Variants in PDZD2 observed in about 807,000 individuals in gnomAD.
PDZD2 encodes PDZ domain-containing protein 2.
A neutral mutation model predicts 220.7 loss-of-function variants in PDZD2; 90 were observed. That is an observed-to-expected ratio of 0.41 (90% CI 0.34 to 0.49). PDZD2 has a LOEUF of 0.49. Among genes scored for constraint, PDZD2 ranks in the 20% least tolerant of loss-of-function variants. The probability of loss-of-function intolerance (pLI) is 0.28; values close to 1 mark genes in which losing one functional copy is unlikely to be tolerated. For missense variants in PDZD2, 3,174 were observed against 3,608.5 expected, an observed-to-expected ratio of 0.88 and a Z score of 3.08; for synonymous variants, 1,375 against 1,450.5, an observed-to-expected ratio of 0.95 and a Z score of 1.18.
intron 2 of PDZD2, among the ~76,000 whole-genome samples, chr5:31,802,152 T>A (rs1371348521): frequency 6.6e-6 from 1 of 152,206 alleles, no homozygotes; most frequent in African/African-American, 2.4e-5. Context: ...GGATTCCAGG[T>A]TCTCTCCAAG....
At position 31,822,849 on chromosome 5, in the gene PDZD2, A is replaced by G. The variant is rs1264444045; in HGVS notation, c.476+23125A>G. Reference sequence around the variant, plus strand: ...TAATGATGTTGATGGGGAAGTGCACATACACAGACCTCATCTTGTAACGGA... The same window carrying G: ...TAATGATGTTGATGGGGAAGTGCACGTACACAGACCTCATCTTGTAACGGA... On this transcript the variant is annotated intron_variant, in intron 2 of 24. Transcript: ENST00000438447. 15 of 784,338 alleles carry G rather than the reference A, an allele frequency of 1.9e-5. 1 individual carries two copies. Among genetic ancestry groups the G allele is most frequent in the Middle Eastern group, 2.5e-4 (1 of 3,986 alleles). The allele number at this position is 784,338 out of a possible 1,614,324, so 48.6% of individuals were successfully genotyped here.
intron 6 of PDZD2, among the ~76,000 whole-genome samples, chr5:32,014,081 A>G (rs1753539081): frequency 6.6e-6 from 1 of 152,216 alleles, no homozygotes; most frequent in Non-Finnish European, 1.5e-5. Flanking sequence ...TATGTTCACA[A>G]TCTATGATTC....
chr5:31,958,652 G>T (rs1747945063), intron 2 of PDZD2, among the ~76,000 whole-genome samples: 3 of 151,612 alleles, frequency 2.0e-5, no homozygotes, highest in Admixed American at 2.0e-4. Context: ...ATAGGATCTT[G>T]CTCTTTCACC....
intron 1 of PDZD2, among the ~76,000 whole-genome samples, chr5:31,762,531 G>A (rs1331617698): frequency 6.6e-6 from 1 of 152,060 alleles, no homozygotes; most frequent in East Asian, 1.9e-4. Context: ...CAGGTGATCC[G>A]CCTGCCTCAG....
chr5:31,795,342 C>T (rs1382947383), intron 1 of PDZD2, among the ~76,000 whole-genome samples: 1 of 152,136 alleles, frequency 6.6e-6, no homozygotes, highest in Non-Finnish European at 1.5e-5. Flanking sequence ...GATTTTAACA[C>T]CATATCAGTA....
chr5:31,924,387 G>C (rs995316153), intron 2 of PDZD2, among the ~76,000 whole-genome samples: 1 of 152,208 alleles, frequency 6.6e-6, no homozygotes, highest in Non-Finnish European at 1.5e-5. Context: ...TTTTGTCCAT[G>C]ATGGGGAGAA....
chr5:31,764,064 G>A (rs550064911), intron 1 of PDZD2, among the ~76,000 whole-genome samples: 27 of 152,236 alleles, frequency 1.8e-4, no homozygotes, highest in Middle Eastern at 3.4e-3. Flanking sequence ...CCTGCTGCCC[G>A]TCACGGATGT....
Position 32,087,899 on chromosome 5 carries a change from G to C in PDZD2, c.4451G>C (p.Arg1484Thr). 1 of 1,613,370 alleles carries C rather than the reference G, an allele frequency of 6.2e-7. No homozygotes were observed. Among genetic ancestry groups the C allele is most frequent in the Non-Finnish European group, 8.5e-7 (1 of 1,179,760 alleles). The change falls in exon 20 of 25, where the codon AGG becomes ACG. Residue 1484 changes from arginine (R) to threonine (T), a missense_variant. Physicochemically the swap from Arg to Thr is moderately conservative, Grantham distance 71. Transcript: ENST00000438447. This position sits in a 1 kb window ranked among gnomAD's most constrained non-coding sequence, Gnocchi z 4.0. ...PVPGGQTSSPRRAWAAGAPAY... is the reference protein window; with the variant it reads ...PVPGGQTSSPTRAWAAGAPAY... Reference sequence around the variant, plus strand: ...CCGGGGGGCCAGACCTCCTCCCCGAGGAGGGCCTGGGCTGCTGGTGCCCCC... The same window carrying C: ...CCGGGGGGCCAGACCTCCTCCCCGACGAGGGCCTGGGCTGCTGGTGCCCCC...
chr5:32,006,415 G>A (rs539968541), intron 5 of PDZD2, among the ~76,000 whole-genome samples: 9 of 146,288 alleles, frequency 6.2e-5, no homozygotes, highest in African/African-American at 2.3e-4. Flanking sequence ...ATTGAGTGGT[G>A]TAATCATATA....
At chr5:32,104,075 T>A (rs147363842) in intron 24 of PDZD2, 1 of 152,208 alleles carries the variant, frequency 6.6e-6, no homozygotes, top group Non-Finnish European at 1.5e-5. Context: ...CTGAGTATGA[T>A]ACGGCAGATC....
chr5:31,643,827 A>AT (rs34330342), intron 1 of PDZD2, among the ~76,000 whole-genome samples: 13,885 of 146,068 alleles, frequency 0.095, 992 homozygotes, highest in East Asian at 0.31. Flanking sequence ...AATGTGAATA[A>AT]TTTTTTTTTT....
intron 2 of PDZD2, among the ~76,000 whole-genome samples, chr5:31,818,578 A>C (rs1398521563): frequency 6.6e-6 from 1 of 152,146 alleles, no homozygotes; most frequent in Admixed American, 6.5e-5. Flanking sequence ...TACCAGGCAC[A>C]GATGCACTGG....
intron 2 of PDZD2, among the ~76,000 whole-genome samples, chr5:31,885,922 T>G (rs1195841443): frequency 7.3e-5 from 4 of 54,690 alleles, no homozygotes; most frequent in South Asian, 8.7e-4. Flanking sequence ...GTTTTTTGGT[T>G]TTTTTTTTTA....
chr5:31,670,972 T>C (rs375043880), intron 1 of PDZD2, among the ~76,000 whole-genome samples: 1 of 151,888 alleles, frequency 6.6e-6, no homozygotes, highest in Non-Finnish European at 1.5e-5. Context: ...ACTCCCACCC[T>C]TATTCCTTCA....
chr5:31,719,407 A>G (rs1748646058), intron 1 of PDZD2, among the ~76,000 whole-genome samples: 1 of 152,232 alleles, frequency 6.6e-6, no homozygotes, highest in Non-Finnish European at 1.5e-5. Context: ...ATACTTGCTT[A>G]CTTGCACAAT....
intron 1 of PDZD2, among the ~76,000 whole-genome samples, chr5:31,779,838 G>A (rs1181247647): frequency 6.6e-6 from 1 of 152,074 alleles, no homozygotes; most frequent in Non-Finnish European, 1.5e-5. Context: ...AGCTTCACGT[G>A]TTCGTTTTTA....
intron 2 of PDZD2, among the ~76,000 whole-genome samples, chr5:31,976,593 T>A (rs1412223063): frequency 6.6e-6 from 1 of 152,176 alleles, no homozygotes; most frequent in Non-Finnish European, 1.5e-5. Flanking sequence ...AGTGCCTGCT[T>A]TGGTGAAAAG....
At chr5:31,783,859 G>C (rs763889034) in intron 1 of PDZD2, among the ~76,000 whole-genome samples, 1 of 152,148 alleles carries the variant, frequency 6.6e-6, no homozygotes, top group Non-Finnish European at 1.5e-5. Context: ...CAATTTCCTG[G>C]AGAAAGGCTT....
chr5:32,015,076 G>A (rs1421494796), intron 6 of PDZD2, among the ~76,000 whole-genome samples: 1 of 151,522 alleles, frequency 6.6e-6, no homozygotes, highest in Non-Finnish European at 1.5e-5. Context: ...TGAGTAGCTG[G>A]CACTACAGGC....
Sources: allele counts gnomAD v4.1 joint callset (sites outside exome capture counted in the v4.1 genomes callset), GRCh38; gene constraint gnomAD v4.1.1; non-coding constraint Gnocchi (gnomAD v3.1); transcripts MANE v1.5; gene names NCBI Gene and HGNC (gene_info 2026-07-23, HGNC 2026-07-21).